Variants in PRTG observed in about 807,000 individuals in gnomAD.
The protein encoded by PRTG is immunoglobulin superfamily, DCC subclass, member 5.
In PRTG, 67 loss-of-function variants were observed where a neutral mutation model predicts 122.5. That is an observed-to-expected ratio of 0.55 (90% CI 0.45 to 0.67). The LOEUF (loss-of-function observed/expected upper bound fraction) is 0.67. Among genes scored for constraint, PRTG ranks in the 30% least tolerant of loss-of-function variants. PRTG has a pLI of 0.00. For missense variants in PRTG, 1,435 were observed against 1,415.4 expected, an observed-to-expected ratio of 1.01 and a Z score of -0.22; for synonymous variants, 554 against 501.1, an observed-to-expected ratio of 1.11 and a Z score of -1.41.
At chr15:55,671,574 C>T (rs589335) in intron 11 of PRTG, among the ~76,000 whole-genome samples, 147,971 of 152,190 alleles carry the variant, frequency 0.97, 72,076 homozygotes, top group East Asian at 1. Context: ...CCTTGGCTCA[C>T]TGCAACCTCC....
chr15:55,696,004 G>A (rs918581624), intron 2 of PRTG, among the ~76,000 whole-genome samples: 2 of 152,098 alleles, frequency 1.3e-5, no homozygotes, highest in Non-Finnish European at 2.9e-5. Flanking sequence ...GCCAGACACA[G>A]TGGTTCACAC....
chr15:55,740,826 A>C (rs1172415906), intron 1 of PRTG, 142 bp from the exon 2 acceptor site: 3 of 695,082 alleles, frequency 4.3e-6, no homozygotes, highest in Non-Finnish European at 7.0e-6. Context: ...AAACACCTTA[A>C]TGAACCAATC....
At chr15:55,655,305 T>C (rs1296754183) in intron 11 of PRTG, 1 of 152,194 alleles carries the variant, frequency 6.6e-6, no homozygotes, top group East Asian at 1.9e-4. Context: ...CTGAAGATGC[T>C]TAGGGGTACT....
intron 2 of PRTG, among the ~76,000 whole-genome samples, chr15:55,737,997 TCTCTCTATA>T (rs1237597311): frequency 3.1e-5 from 2 of 64,446 alleles, no homozygotes; most frequent in Non-Finnish European, 7.5e-5. Flanking sequence ...TCTCTCTCTC[TCTCTCTATA>T]TATATATATA....
intron 11 of PRTG, among the ~76,000 whole-genome samples, chr15:55,661,031 A>AAATTT (rs1367581436): frequency 1.3e-5 from 2 of 152,192 alleles, no homozygotes; most frequent in African/African-American, 2.4e-5. Flanking sequence ...ATCTGAAGAA[A>AAATTT]AATTTAATTT....
intron 16 of PRTG, among the ~76,000 whole-genome samples, chr15:55,627,815 T>A (rs2059203999): frequency 6.6e-6 from 1 of 152,160 alleles, no homozygotes; most frequent in Admixed American, 6.5e-5. Flanking sequence ...TCCATTTACA[T>A]ACACTAAAGC....
At chr15:55,691,371 G>C (rs1382874819) in intron 2 of PRTG, among the ~76,000 whole-genome samples, 2 of 151,574 alleles carry the variant, frequency 1.3e-5, no homozygotes, top group African/African-American at 4.8e-5. Flanking sequence ...AAATGCATTG[G>C]CTTTCTAGCT....
At chr15:55,728,425 T>C (rs2031116299) in intron 2 of PRTG, among the ~76,000 whole-genome samples, 1 of 152,142 alleles carries the variant, frequency 6.6e-6, no homozygotes, top group Non-Finnish European at 1.5e-5. Context: ...GTAGGATTTA[T>C]CTCACTTTTA....
intron 2 of PRTG, among the ~76,000 whole-genome samples, chr15:55,712,815 TAACTC>T (rs1442704346): frequency 8.5e-5 from 13 of 152,084 alleles, no homozygotes; most frequent in Non-Finnish European, 1.5e-4. Context: ...AGCTGTCAAA[TAACTC>T]AAGCAAACAA....
chr15:55,718,287 G>A (rs1249840873), intron 2 of PRTG, among the ~76,000 whole-genome samples: 1 of 152,070 alleles, frequency 6.6e-6, no homozygotes, highest in African/African-American at 2.4e-5. Context: ...TGGGCAAATG[G>A]TCTGAGATGC....
chr15:55,724,739 C>T (rs1433026062), intron 2 of PRTG, among the ~76,000 whole-genome samples: 1 of 151,898 alleles, frequency 6.6e-6, no homozygotes, highest in East Asian at 1.9e-4. Context: ...GCCTAGGCAA[C>T]AGAGCAAGAC....
intron 6 of PRTG, 141 bp from the exon 7 acceptor site, chr15:55,679,586 A>C: frequency 1.6e-6 from 1 of 608,448 alleles, no homozygotes; most frequent in Non-Finnish European, 2.8e-6. Context: ...ATCTCCATAC[A>C]TCTCTCCAGG....
At chr15:55,707,382 A>C (rs896760042) in intron 2 of PRTG, among the ~76,000 whole-genome samples, 2 of 152,354 alleles carry the variant, frequency 1.3e-5, no homozygotes, top group East Asian at 3.9e-4. Flanking sequence ...TCAACAACCC[A>C]AAGCTGCTGC....
intron 2 of PRTG, among the ~76,000 whole-genome samples, chr15:55,689,377 C>G (rs2059587598): frequency 6.6e-6 from 1 of 151,614 alleles, no homozygotes. Context: ...CTTGCCATAG[C>G]AAAAGAAAAA....
At chr15:55,714,906 T>G (rs191087611) in intron 2 of PRTG, among the ~76,000 whole-genome samples, 2 of 152,220 alleles carry the variant, frequency 1.3e-5, no homozygotes, top group African/African-American at 4.8e-5. Flanking sequence ...AGAGAGTTCT[T>G]TAACATCTTA....
rs768353105 is a variant in PRTG at position 55,620,672 on chromosome 15, T to C, written c.3189A>G (p.Gln1063=). The change falls in exon 19 of 20, where the codon CAA becomes CAG. Residue 1063 remains glutamine (Q), a synonymous_variant. Coordinates refer to ENST00000389286, the MANE Select transcript of PRTG (RefSeq NM_173814.6). ...WFFFQDSKKI[Q]VEQPQRRFTP... ...CATTTAGATAGGTTACCTGCTCAAC[T>C]TGTATCTTCTTTGAGTCTTGGAAAA... 1.3e-6 allele frequency: 2 copies of C among 1,592,168 alleles called. No individual in the cohort carries two copies. Among genetic ancestry groups the C allele is most frequent in the Non-Finnish European group, 1.7e-6 (2 of 1,174,842 alleles).
chr15:55,675,737 A>G (rs964083724), intron 8 of PRTG, 54 bp from the exon 9 acceptor site: 29 of 1,179,218 alleles, frequency 2.5e-5, no homozygotes, highest in Non-Finnish European at 3.5e-5. Flanking sequence ...TAAAATTAAC[A>G]AGACCATTTT....
chr15:55,673,303 T>C (rs2141797368), intron 10 of PRTG, 68 bp downstream of exon 10: 3 of 1,076,600 alleles, frequency 2.8e-6, no homozygotes, highest in Non-Finnish European at 4.0e-6. Context: ...ATAAACATAA[T>C]TTAGAGAAGA....
At chr15:55,661,895 TA>T (rs11351086) in intron 11 of PRTG, among the ~76,000 whole-genome samples, 110,759 of 147,488 alleles carry the variant, frequency 0.75, 42,143 homozygotes, top group Non-Finnish European at 0.84. Flanking sequence ...GCTTAATACT[TA>T]AAAAAAAAAA....
Sources: allele counts gnomAD v4.1 joint callset (sites outside exome capture counted in the v4.1 genomes callset), GRCh38; gene constraint gnomAD v4.1.1; transcripts MANE v1.5; gene names NCBI Gene and HGNC (gene_info 2026-07-23, HGNC 2026-07-21).